Variants in RSBN1L observed in about 807,000 individuals in gnomAD.
RSBN1L encodes round spermatid basic protein 1 like, also known as lysine-specific demethylase RSBN1L.
A neutral mutation model predicts 67.7 loss-of-function variants in RSBN1L; 30 were observed. That is an observed-to-expected ratio of 0.44 (90% confidence interval 0.33 to 0.60). The LOEUF is 0.60. RSBN1L is among the 20% of genes least tolerant of loss of function. The pLI is 0.02. For synonymous variants in RSBN1L, 433 were observed against 387.0 expected, an observed-to-expected ratio of 1.12 and a Z score of -1.39; for missense variants, 992 against 1,031.7, an observed-to-expected ratio of 0.96 and a Z score of 0.53.
intron 2 of RSBN1L, among the ~76,000 whole-genome samples, chr7:77,741,842 A>C (rs1263832413): frequency 6.6e-6 from 1 of 152,082 alleles, no homozygotes; most frequent in Non-Finnish European, 1.5e-5. Flanking sequence ...TCATATGTAG[A>C]GATAGGAAAT....
chr7:77,768,131 A>T (rs1217880872), intron 4 of RSBN1L, among the ~76,000 whole-genome samples: 1 of 151,974 alleles, frequency 6.6e-6, no homozygotes, highest in East Asian at 1.9e-4. Context: ...CTCGGATTAC[A>T]GGCGTGAGCC....
chr7:77,747,188 T>A (rs1027545843), intron 2 of RSBN1L, among the ~76,000 whole-genome samples: 1 of 152,182 alleles, frequency 6.6e-6, no homozygotes, highest in Non-Finnish European at 1.5e-5. Context: ...TTTGGAAAAT[T>A]TGCAGTCTGG....
chr7:77,760,845 A>G (rs1791689464), intron 3 of RSBN1L, among the ~76,000 whole-genome samples: 1 of 152,352 alleles, frequency 6.6e-6, no homozygotes, highest in South Asian at 2.1e-4. Flanking sequence ...CATGTTGGCC[A>G]GGCTGGTATC....
intron 2 of RSBN1L, among the ~76,000 whole-genome samples, chr7:77,746,393 A>T (rs1176487271): frequency 6.6e-6 from 1 of 152,058 alleles, no homozygotes; most frequent in Non-Finnish European, 1.5e-5. Flanking sequence ...ACCAGATGTC[A>T]CTCACAATGG....
intron 1 of RSBN1L, among the ~76,000 whole-genome samples, chr7:77,700,146 A>G (rs775444973): frequency 3.3e-5 from 5 of 152,172 alleles, no homozygotes; most frequent in Non-Finnish European, 5.9e-5. Flanking sequence ...GTGCTTACGG[A>G]GGTAATTTAC....
At chr7:77,743,144 C>T (rs1283854465) in intron 2 of RSBN1L, among the ~76,000 whole-genome samples, 2 of 152,110 alleles carry the variant, frequency 1.3e-5, no homozygotes, top group African/African-American at 4.8e-5. Context: ...CCTTTACCTC[C>T]CCAGGCTCAG....
chr7:77,725,177 A>C (rs750562928), intron 1 of RSBN1L, among the ~76,000 whole-genome samples: 26 of 148,116 alleles, frequency 1.8e-4, no homozygotes, highest in Admixed American at 4.0e-4. Flanking sequence ...GTTTCAAATA[A>C]TTTAGGAAGT....
chr7:77,730,771 C>T (rs1211419808), intron 1 of RSBN1L, among the ~76,000 whole-genome samples: 3 of 152,220 alleles, frequency 2.0e-5, no homozygotes, highest in Non-Finnish European at 2.9e-5. Context: ...TCTGAATGTG[C>T]TACCTAAAGG....
chr7:77,765,788 C>T (rs189230546), intron 4 of RSBN1L, among the ~76,000 whole-genome samples, 156 bp downstream of exon 4: 1 of 152,088 alleles, frequency 6.6e-6, no homozygotes, highest in Admixed American at 6.5e-5. Context: ...TTTATTTGAA[C>T]TGGAGGGAAG....
At chr7:77,719,870 TC>T (rs1791093108) in intron 1 of RSBN1L, among the ~76,000 whole-genome samples, 2 of 152,202 alleles carry the variant, frequency 1.3e-5, no homozygotes, top group Admixed American at 6.5e-5. Flanking sequence ...GCTCAAGTGA[TC>T]CATCTGACTG....
At chr7:77,742,180 A>ACACAC (rs60910312) in intron 2 of RSBN1L, among the ~76,000 whole-genome samples, 84 of 82,140 alleles carry the variant, frequency 1.0e-3, no homozygotes, top group Non-Finnish European at 1.5e-3. Context: ...AAAAAAAAAA[A>ACACAC]ATACACACAC....
In RSBN1L at chr7:77,754,231, G is replaced by A. The variant is rs114441133; in HGVS notation, c.1344+4167G>A. Among the ~76,000 whole-genome samples, 572 of 152,156 alleles carry A rather than the reference G, an allele frequency of 3.8e-3. 4 individuals carry two copies. Among genetic ancestry groups the A allele is most frequent in the African/African-American group, 0.013 (544 of 41,514 alleles). On this transcript the variant is annotated intron_variant, in intron 3 of 7. Transcript: ENST00000334955. Reference sequence around the variant, plus strand: ...TCATTAATCTCAATAATCTAGAATCGGTTTGCCAGCTTTGTTCTTCAAGAT... The same window carrying A: ...TCATTAATCTCAATAATCTAGAATCAGTTTGCCAGCTTTGTTCTTCAAGAT...
intron 2 of RSBN1L, among the ~76,000 whole-genome samples, chr7:77,743,265 G>T (rs1791437031): frequency 6.6e-6 from 1 of 151,914 alleles, no homozygotes; most frequent in Non-Finnish European, 1.5e-5. Context: ...TGTTTCCCAG[G>T]CTGCTCTGCT....
At chr7:77,740,672 T>C (rs1233713389) in intron 2 of RSBN1L, among the ~76,000 whole-genome samples, 1 of 152,224 alleles carries the variant, frequency 6.6e-6, no homozygotes, top group Non-Finnish European at 1.5e-5. Flanking sequence ...ATACGAAAAT[T>C]AGTGGTAGAA....
At chr7:77,770,388 T>C (rs1455297695) in intron 5 of RSBN1L, among the ~76,000 whole-genome samples, 3 of 148,698 alleles carry the variant, frequency 2.0e-5, no homozygotes, top group Non-Finnish European at 3.0e-5. Flanking sequence ...AAAAAGAGTA[T>C]AGTGAAATAC....
chr7:77,738,089 A>C (rs567114033), intron 2 of RSBN1L, among the ~76,000 whole-genome samples: 1 of 150,530 alleles, frequency 6.6e-6, no homozygotes, highest in Non-Finnish European at 1.5e-5. Context: ...CCCAATAGCC[A>C]TTTTTTTTTC....
At chr7:77,704,011 G>T (rs1463502929) in intron 1 of RSBN1L, among the ~76,000 whole-genome samples, 1 of 152,198 alleles carries the variant, frequency 6.6e-6, no homozygotes, top group Non-Finnish European at 1.5e-5. Context: ...TTTTCACAGG[G>T]TGATTGTTAG....
chr7:77,716,624 CTTTTTTTTTT>C (rs61611975), intron 1 of RSBN1L, among the ~76,000 whole-genome samples: 2 of 75,290 alleles, frequency 2.7e-5, no homozygotes, highest in Non-Finnish European at 5.1e-5. Context: ...GTATCTTCAT[CTTTTTTTTTT>C]TTTTTTTTTT....
At chr7:77,767,893 C>G (rs957015468) in intron 4 of RSBN1L, among the ~76,000 whole-genome samples, 2 of 131,362 alleles carry the variant, frequency 1.5e-5, no homozygotes, top group African/African-American at 5.8e-5. Context: ...GTTCTGTCAC[C>G]AGGCTGGAGT....
Sources: allele counts gnomAD v4.1 joint callset (sites outside exome capture counted in the v4.1 genomes callset), GRCh38; gene constraint gnomAD v4.1.1; transcripts MANE v1.5; gene names NCBI Gene and HGNC (gene_info 2026-07-23, HGNC 2026-07-21).